Variants in IGF2BP3 observed in about 807,000 individuals in gnomAD.
IGF2BP3 encodes the protein insulin like growth factor 2 mRNA binding protein 3, also known as insulin-like growth factor 2 mRNA-binding protein 3.
IGF2BP3 carries 9 observed loss-of-function variants against 73.8 expected under a neutral mutation model. The observed-to-expected ratio is 0.12, with a 90% CI of 0.07 to 0.21. The LOEUF (loss-of-function observed/expected upper bound fraction) is 0.21, where lower values mean the gene tolerates loss of function less well. Ranked by LOEUF, IGF2BP3 falls within the 10% of genes least tolerant of loss-of-function variation. The pLI is 1.00. For synonymous variants in IGF2BP3, 258 were observed against 256.7 expected, an observed-to-expected ratio of 1.01 and a Z score of -0.05; for missense variants, 542 against 714.0, an observed-to-expected ratio of 0.76 and a Z score of 2.75.
At chr7:23,434,497 C>A (rs960288107) in intron 2 of IGF2BP3, among the ~76,000 whole-genome samples, 1 of 152,104 alleles carries the variant, frequency 6.6e-6, no homozygotes, top group South Asian at 2.1e-4. Flanking sequence ...AGAAAATAAG[C>A]AAATAATTGT....
chr7:23,378,569 GTT>G lies in IGF2BP3; in HGVS notation c.286-16830_286-16829del, dbSNP rs1156868701. ...CACCATGCCAGGCTAATTTTTGCTT[GTT>G]TTTTTTTTTTTTTTTTTTTTTGAGA... On this transcript the variant is annotated intron_variant, in intron 3 of 14. Transcript: ENST00000258729. 7.4e-3 allele frequency among the ~76,000 whole-genome samples: 490 copies of G among 65,818 alleles called. 1 individual carries two copies. Among genetic ancestry groups the G allele is most frequent in the African/African-American group, 0.033 (452 of 13,792 alleles). The allele number at this position is 65,818 out of a possible 152,430, so 43.2% of individuals were successfully genotyped here.
intron 10 of IGF2BP3, among the ~76,000 whole-genome samples, chr7:23,337,668 T>A (rs1784607593): frequency 6.6e-6 from 1 of 152,220 alleles, no homozygotes; most frequent in Non-Finnish European, 1.5e-5. Context: ...TCAGGCAGTG[T>A]CCTTAAATAA....
rs185501236 is a variant in IGF2BP3 at position 23,350,160 on chromosome 7, T to C, written c.683+1145A>G. ...ATGAGAAATGGGTCAGCTAGTCCAA[T>C]GCAGGCATGGTGCCTATGATGAACA... On this transcript the variant is annotated intron_variant, in intron 6 of 14. Coordinates refer to ENST00000258729, the MANE Select transcript of IGF2BP3 (RefSeq NM_006547.3). Among the ~76,000 whole-genome samples the C allele has an allele frequency of 1.0e-3, 152 of 152,344 alleles. 2 individuals are homozygous for C. Among genetic ancestry groups the C allele is most frequent in the Admixed American group, 8.0e-3 (123 of 15,302 alleles).
intron 3 of IGF2BP3, among the ~76,000 whole-genome samples, chr7:23,379,896 T>C (rs993553985): frequency 6.6e-6 from 1 of 152,298 alleles, no homozygotes; most frequent in Admixed American, 6.5e-5. Flanking sequence ...GGCAATTCCA[T>C]GCATCTCTTA....
intron 3 of IGF2BP3, among the ~76,000 whole-genome samples, chr7:23,405,776 T>G (rs1220295434): frequency 2.6e-5 from 4 of 152,130 alleles, no homozygotes; most frequent in African/African-American, 9.7e-5. Context: ...ATGAAAAAAT[T>G]GTTTTAATGC....
At chr7:23,412,901 C>G (rs1359052434) in intron 3 of IGF2BP3, among the ~76,000 whole-genome samples, 6 of 118,864 alleles carry the variant, frequency 5.0e-5, no homozygotes, top group Non-Finnish European at 8.1e-5. Context: ...GCTTTGTCAC[C>G]CAGGCTGGAG....
chr7:23,392,392 C>A (rs1786304626), intron 3 of IGF2BP3, among the ~76,000 whole-genome samples: 1 of 110,712 alleles, frequency 9.0e-6, no homozygotes. Context: ...AAATGGAAAA[C>A]CATTTGGAAG....
intron 2 of IGF2BP3, among the ~76,000 whole-genome samples, chr7:23,458,136 C>T (rs977121370): frequency 6.6e-5 from 10 of 152,186 alleles, no homozygotes; most frequent in Non-Finnish European, 1.5e-4. Flanking sequence ...CATTGTCCAA[C>T]AGGATCCTAT....
At chr7:23,466,696 A>G (rs1396171754) in intron 2 of IGF2BP3, among the ~76,000 whole-genome samples, 1 of 152,220 alleles carries the variant, frequency 6.6e-6, no homozygotes, top group Non-Finnish European at 1.5e-5. Flanking sequence ...TAAAACAGGC[A>G]GTTGTTAACA....
At chr7:23,348,244 G>C (rs990795941) in intron 6 of IGF2BP3, among the ~76,000 whole-genome samples, 12 of 152,192 alleles carry the variant, frequency 7.9e-5, no homozygotes, top group Admixed American at 7.2e-4. Flanking sequence ...AGTCTGCAAC[G>C]AACAGTGATA....
At chr7:23,383,246 C>G (rs574403464) in intron 3 of IGF2BP3, among the ~76,000 whole-genome samples, 36 of 152,198 alleles carry the variant, frequency 2.4e-4, no homozygotes, top group Admixed American at 2.3e-3. Context: ...TACATGCAGG[C>G]TAACAAGCAA....
chr7:23,424,228 G>T (rs575663011), intron 2 of IGF2BP3, among the ~76,000 whole-genome samples: 1 of 152,298 alleles, frequency 6.6e-6, no homozygotes, highest in East Asian at 1.9e-4. Flanking sequence ...GCCAGGCGCA[G>T]TGGCTCAAGC....
intron 2 of IGF2BP3, among the ~76,000 whole-genome samples, chr7:23,462,625 G>GT (rs1788478793): frequency 6.6e-6 from 1 of 152,182 alleles, no homozygotes; most frequent in South Asian, 2.1e-4. Flanking sequence ...GCCTCCCAAA[G>GT]TGCTGGGATT....
At chr7:23,335,096 A>G (rs988543781) in intron 10 of IGF2BP3, among the ~76,000 whole-genome samples, 3 of 136,414 alleles carry the variant, frequency 2.2e-5, no homozygotes, top group South Asian at 2.5e-4. Flanking sequence ...AAAAAAAAAA[A>G]GGCAAAGAAA....
intron 8 of IGF2BP3, among the ~76,000 whole-genome samples, chr7:23,344,060 C>T (rs912232191): frequency 1.3e-5 from 2 of 152,180 alleles, no homozygotes; most frequent in African/African-American, 4.8e-5. Context: ...TATTTGCCCT[C>T]CCATTTTCTC....
rs757363880 is a variant in IGF2BP3, at chr7:23,351,290, A to C, written c.683+15T>G. 5 of 1,612,362 alleles carry C rather than the reference A, an allele frequency of 3.1e-6. No homozygotes were observed. The highest frequency in any genetic ancestry group is 4.2e-6 in the Non-Finnish European group (5 of 1,179,392). On this transcript the variant is annotated intron_variant, in intron 6 of 14. Coordinates refer to ENST00000258729, the MANE Select transcript of IGF2BP3 (RefSeq NM_006547.3). The stretch of plus-strand genomic sequence containing the variant: ...GAATTCTCATGAACACCCACCACAC[A>C]CTCAGCATACTCACTTAGACTGGGT...
At chr7:23,450,133 C>A (rs904629723) in intron 2 of IGF2BP3, among the ~76,000 whole-genome samples, 1 of 152,108 alleles carries the variant, frequency 6.6e-6, no homozygotes, top group Admixed American at 6.6e-5. Context: ...GCATTTGCAG[C>A]GAAGAATTAT....
At chr7:23,465,696 T>G (rs1788551573) in intron 2 of IGF2BP3, among the ~76,000 whole-genome samples, 1 of 152,232 alleles carries the variant, frequency 6.6e-6, no homozygotes, top group African/African-American at 2.4e-5. Flanking sequence ...AGGTCACTGC[T>G]GCACATGTGG....
intron 9 of IGF2BP3, among the ~76,000 whole-genome samples, chr7:23,343,428 T>C (rs919215178): frequency 1.3e-5 from 2 of 152,184 alleles, no homozygotes; most frequent in African/African-American, 2.4e-5. Context: ...CAAATTAACA[T>C]TGTAAGAGAG....
Sources: allele counts gnomAD v4.1 joint callset (sites outside exome capture counted in the v4.1 genomes callset), GRCh38; gene constraint gnomAD v4.1.1; transcripts MANE v1.5; gene names NCBI Gene and HGNC (gene_info 2026-07-23, HGNC 2026-07-21).